FUT8: variants seen among roughly 807,000 people sequenced by gnomAD.
FUT8 encodes the protein fucosyltransferase 8.
FUT8 carries 29 observed loss-of-function variants against 71.3 expected under a neutral mutation model. The observed-to-expected ratio is 0.41, with a 90% CI of 0.30 to 0.55. FUT8 has a LOEUF of 0.55. FUT8 is among the 20% of genes least tolerant of loss of function. The pLI is 0.34. For missense variants in FUT8, 544 were observed against 702.1 expected (o/e 0.77, Z 2.55); for synonymous variants, 254 against 239.3 (o/e 1.06, Z -0.57).
At chr14:65,438,463 G>T (rs960919577) in intron 1 of FUT8, among the ~76,000 whole-genome samples, 4 of 152,250 alleles carry the variant, frequency 2.6e-5, no homozygotes, top group African/African-American at 9.6e-5. Flanking sequence ...CTATTTAAAG[G>T]AAGAGCTTTA....
At position 65,611,337 on chromosome 14, in the gene FUT8, C is replaced by G. The variant is rs991741879; in HGVS notation, c.204-4641C>G. ...AATAGCCTTGATTTTGCTTGTTGGC[C>G]TATAAAACCGAAAATATTTATTAGG... is the stretch of plus-strand genomic sequence containing the variant. On this transcript the variant is annotated intron_variant, in intron 3 of 10. Coordinates refer to ENST00000673929, the MANE Select transcript of FUT8 (RefSeq NM_001371533.1). Among the ~76,000 whole-genome samples the G allele has an allele frequency of 2.8e-5, 4 of 145,176 alleles. 1 individual carries two copies. Among genetic ancestry groups the G allele is most frequent in the South Asian group, 2.1e-4 (1 of 4,652 alleles).
chr14:65,580,329 T>TA (rs1486994952), intron 3 of FUT8, among the ~76,000 whole-genome samples: 2 of 151,588 alleles, frequency 1.3e-5, no homozygotes, highest in Non-Finnish European at 2.9e-5. Context: ...TGTGTAAACA[T>TA]ATCTAAACAT....
At chr14:65,535,685 T>G (rs1449755990) in intron 2 of FUT8, among the ~76,000 whole-genome samples, 2 of 152,164 alleles carry the variant, frequency 1.3e-5, no homozygotes, top group African/African-American at 4.8e-5. Flanking sequence ...TTGCTGAGAA[T>G]TGTTTTTTGT....
At chr14:65,470,168 C>A (rs1204009753) in intron 2 of FUT8, among the ~76,000 whole-genome samples, 2 of 152,246 alleles carry the variant, frequency 1.3e-5, no homozygotes, top group African/African-American at 4.8e-5. Context: ...GTGATGATAT[C>A]CAGGCTTGGC....
intron 7 of FUT8, among the ~76,000 whole-genome samples, chr14:65,694,932 T>C (rs907533389): frequency 3.2e-4 from 47 of 148,962 alleles, no homozygotes; most frequent in African/African-American, 1.0e-3. Context: ...TTAGGAGATA[T>C]ACCTAATGCT....
intron 5 of FUT8, among the ~76,000 whole-genome samples, chr14:65,621,470 G>T (rs530284049): frequency 6.6e-6 from 1 of 151,910 alleles, no homozygotes; most frequent in Non-Finnish European, 1.5e-5. Flanking sequence ...GAATAGTTTC[G>T]ATCTCTTGAC....
intron 2 of FUT8, among the ~76,000 whole-genome samples, chr14:65,530,201 A>G (rs566365520): frequency 2.8e-4 from 42 of 152,202 alleles, no homozygotes; most frequent in African/African-American, 9.4e-4. Context: ...TAACTCAGCA[A>G]TGGCACTAGA....
At chr14:65,614,597 C>T (rs1363518218) in intron 3 of FUT8, among the ~76,000 whole-genome samples, 2 of 152,106 alleles carry the variant, frequency 1.3e-5, no homozygotes, top group African/African-American at 4.8e-5. Context: ...TTTGTTTGTT[C>T]GTTCGTTTGC....
rs1185428931 is a variant in FUT8, at chr14:65,643,459, CCTGGCTAA to C, written c.597+13855_597+13862del. ...CACGAGGTCAGGAGATCGAGACCATCCTGGCTAACATGGTGAAACCCTGTCTCTACTAA... is the reference window on the plus strand; with the variant it reads ...CACGAGGTCAGGAGATCGAGACCATCCATGGTGAAACCCTGTCTCTACTAA... On this transcript the variant is annotated intron_variant, in intron 6 of 10. Coordinates refer to ENST00000673929, the MANE Select transcript of FUT8 (RefSeq NM_001371533.1). The surrounding 1 kb of genome is among the most constrained non-coding windows in gnomAD (Gnocchi z 4.5). Among the ~76,000 whole-genome samples the C allele has an allele frequency of 2.0e-5, 3 of 152,040 alleles. No homozygotes were observed. Among genetic ancestry groups the C allele is most frequent in the African/African-American group, 7.2e-5 (3 of 41,392 alleles).
chr14:65,439,948 G>GTC (rs2139477261), intron 1 of FUT8, among the ~76,000 whole-genome samples: 1 of 37,084 alleles, frequency 2.7e-5, no homozygotes, highest in Admixed American at 4.1e-4. Context: ...ATGTGTGTGT[G>GTC]TGTGTGTATA....
chr14:65,633,301 G>A (rs1161557943), intron 6 of FUT8, among the ~76,000 whole-genome samples: 5 of 152,160 alleles, frequency 3.3e-5, no homozygotes, highest in Non-Finnish European at 5.9e-5. Flanking sequence ...GATTGCAGAC[G>A]GAGTCTCGTT....
intron 2 of FUT8, among the ~76,000 whole-genome samples, chr14:65,560,419 T>C (rs970749536): frequency 1.3e-5 from 2 of 152,150 alleles, no homozygotes; most frequent in African/African-American, 4.8e-5. Context: ...GTTCAAGCAA[T>C]TCTCCCGCCT....
chr14:65,490,719 G>A (rs1383137253), intron 2 of FUT8, among the ~76,000 whole-genome samples: 7 of 151,970 alleles, frequency 4.6e-5, no homozygotes, highest in African/African-American at 1.7e-4. Context: ...TTTGATCTGG[G>A]GAGTTGATGG....
rs763100202 is a variant in FUT8 at position 65,416,768 on chromosome 14, AT to A, written c.-326+3573del. On this transcript the variant is annotated intron_variant, in intron 1 of 10. Coordinates refer to ENST00000673929, the MANE Select transcript of FUT8 (RefSeq NM_001371533.1). ...TAGATTTAACATTTTATTTTCTTTA[AT>A]TTTTTTTTTTTTTTTTTTGAGATTG... Among the ~76,000 whole-genome samples, 516 of 129,238 alleles carry A rather than the reference AT, an allele frequency of 4.0e-3. 1 individual carries two copies. Among genetic ancestry groups the A allele is most frequent in the African/African-American group, 7.4e-3 (255 of 34,320 alleles). The allele number at this position is 129,238 out of a possible 152,430, so 84.8% of individuals were successfully genotyped here. A position where few individuals can be genotyped will look rare whatever the true frequency, so the allele number is the denominator to read the frequency against.
rs1239362366 is a variant in FUT8 at position 65,468,101 on chromosome 14, T to G, written c.-228+12383T>G. Reference sequence around the variant, plus strand: ...AATACCAACAGCATGCTGAGTAACGTGTTTGTTTACAACTTGCTTACAGTG... The same window carrying G: ...AATACCAACAGCATGCTGAGTAACGGGTTTGTTTACAACTTGCTTACAGTG... On this transcript the variant is annotated intron_variant, in intron 2 of 10. Transcript: ENST00000673929. The G allele has an allele frequency of 1.3e-5, 8 of 634,256 alleles. No individual in the cohort carries two copies. The East Asian group carries it at 2.1e-4, about 17-fold the overall frequency. The allele number at this position is 634,256 out of a possible 1,614,324, so 39.3% of individuals were successfully genotyped here.
At chr14:65,545,646 G>C (rs933518472) in intron 2 of FUT8, among the ~76,000 whole-genome samples, 2 of 151,644 alleles carry the variant, frequency 1.3e-5, no homozygotes, top group Admixed American at 6.6e-5. Flanking sequence ...ACTCTTTTCA[G>C]TTGTTAAAAA....
chr14:65,566,811 A>C (rs1236711854), intron 3 of FUT8, among the ~76,000 whole-genome samples: 1 of 151,962 alleles, frequency 6.6e-6, no homozygotes, highest in Non-Finnish European at 1.5e-5. Context: ...AAAAATTTAG[A>C]AATTATCACT....
chr14:65,515,673 T>C (rs1230324755), intron 2 of FUT8, among the ~76,000 whole-genome samples: 2 of 152,152 alleles, frequency 1.3e-5, no homozygotes, highest in African/African-American at 2.4e-5. Context: ...AGTGTTATTG[T>C]TGAGTTTAAC....
rs866648145 is a variant in FUT8 at position 65,633,008 on chromosome 14, C to G, written c.597+3402C>G. ...TCTCCCCTCTCCCCTCTCCCCTCCCCCCCCCCGTCTCCCCAGGGTCTCCCT... is the reference window on the plus strand; with the variant it reads ...TCTCCCCTCTCCCCTCTCCCCTCCCGCCCCCCGTCTCCCCAGGGTCTCCCT... On this transcript the variant is annotated intron_variant, in intron 6 of 10. Transcript: ENST00000673929. Among the ~76,000 whole-genome samples the G allele has an allele frequency of 2.0e-5, 3 of 146,848 alleles. 1 individual carries two copies. Among genetic ancestry groups the G allele is most frequent in the South Asian group, 2.2e-4 (1 of 4,572 alleles).
Sources: allele counts gnomAD v4.1 joint callset (sites outside exome capture counted in the v4.1 genomes callset), GRCh38; gene constraint gnomAD v4.1.1; non-coding constraint Gnocchi (gnomAD v3.1); transcripts MANE v1.5; gene names NCBI Gene and HGNC (gene_info 2026-07-23, HGNC 2026-07-21).